The following IQCK variants were observed in gnomAD, a reference collection of about 807,000 sequenced individuals.
IQCK encodes the protein IQ domain-containing protein K.
IQCK carries 29 observed loss-of-function variants against 28.1 expected under a neutral mutation model. The observed-to-expected ratio is 1.03, with a 90% confidence interval of 0.77 to 1.41. IQCK has a LOEUF of 1.41. Ranked by LOEUF, IQCK falls within the 40% of genes most tolerant of loss-of-function variation. IQCK has a pLI of 0.00. For synonymous variants in IQCK, 113 were observed against 115.1 expected (o/e 0.98, Z 0.12); for missense variants, 359 against 314.7 (o/e 1.14, Z -1.07).
intron 7 of IQCK, among the ~76,000 whole-genome samples, chr16:19,823,596 T>C (rs2056104295): frequency 6.6e-6 from 1 of 152,158 alleles, no homozygotes; most frequent in Admixed American, 6.5e-5. Flanking sequence ...CTCATTCCAG[T>C]TCAGGCAACT....
At chr16:19,837,293 T>G (rs2060986515) in intron 9 of IQCK, among the ~76,000 whole-genome samples, 1 of 151,916 alleles carries the variant, frequency 6.6e-6, no homozygotes, top group South Asian at 2.1e-4. Context: ...CCCAGCTACT[T>G]GGGAGGCTGA....
Position 19,779,880 on chromosome 16 carries a change from G to T in IQCK, c.606-8958G>T, listed in dbSNP as rs1409079038. ...CTACAGGCACCTGCCACCACGCCTG[G>T]CTAATTTTTTGTATTTTTAGTAGAG... On this transcript the variant is annotated intron_variant, in intron 6 of 7. Coordinates refer to ENST00000564186, the Ensembl canonical transcript of IQCK. Among the ~76,000 whole-genome samples the T allele has an allele frequency of 2.0e-5, 3 of 150,972 alleles. No individual in the cohort carries two copies. The East Asian group carries it at 5.8e-4, about 29-fold the overall frequency.
chr16:19,836,816 C>T (rs765732804), intron 9 of IQCK, among the ~76,000 whole-genome samples: 4 of 152,254 alleles, frequency 2.6e-5, no homozygotes, highest in South Asian at 2.1e-4. Flanking sequence ...CTGGCTGATG[C>T]GGAATGCTTT....
At chr16:19,753,699 C>T (rs988055755) in intron 4 of IQCK, among the ~76,000 whole-genome samples, 1 of 151,878 alleles carries the variant, frequency 6.6e-6, no homozygotes, top group Non-Finnish European at 1.5e-5. Flanking sequence ...CTAGAAGGCC[C>T]CAAGGTAGAG....
intron 1 of IQCK, among the ~76,000 whole-genome samples, chr16:19,727,719 AATAAGT>A (rs1977705215): frequency 6.6e-6 from 1 of 152,156 alleles, no homozygotes; most frequent in Admixed American, 6.6e-5. Context: ...ATTTTCTTTC[AATAAGT>A]ATGTCTTGCT....
At chr16:19,739,527 A>G (rs1243785160) in intron 4 of IQCK, among the ~76,000 whole-genome samples, 2 of 152,246 alleles carry the variant, frequency 1.3e-5, no homozygotes, top group African/African-American at 4.8e-5. Flanking sequence ...ATCAAAAGTC[A>G]GAGAAGACCC....
chr16:19,836,414 T>C (rs1276519943), intron 9 of IQCK, among the ~76,000 whole-genome samples: 1 of 152,218 alleles, frequency 6.6e-6, no homozygotes, highest in Non-Finnish European at 1.5e-5. Context: ...AGCTATGACA[T>C]GACAGAAGCC....
chr16:19,782,180 G>A (rs934553492), intron 6 of IQCK, among the ~76,000 whole-genome samples: 2 of 151,824 alleles, frequency 1.3e-5, no homozygotes, highest in African/African-American at 4.8e-5. Flanking sequence ...CTTTACATCC[G>A]GGTTGTGCTT....
At chr16:19,757,645 G>C (rs1264431687) in intron 4 of IQCK, among the ~76,000 whole-genome samples, 1 of 152,172 alleles carries the variant, frequency 6.6e-6, no homozygotes, top group Non-Finnish European at 1.5e-5. Context: ...ACTCCAGCCT[G>C]GGCAACAGAG....
At chr16:19,722,356 A>C (rs565017295) in intron 1 of IQCK, among the ~76,000 whole-genome samples, 236 of 152,090 alleles carry the variant, frequency 1.6e-3, no homozygotes, top group Admixed American at 2.9e-3. Flanking sequence ...TTGCTATTCC[A>C]GGATCCTGCT....
intron 9 of IQCK, among the ~76,000 whole-genome samples, chr16:19,837,117 G>T (rs1046882126): frequency 2.0e-5 from 3 of 152,106 alleles, no homozygotes; most frequent in Non-Finnish European, 2.9e-5. Flanking sequence ...AAGAATATTG[G>T]CAGCCAGGTG....
At chr16:19,811,599 A>C (rs2055906190) in intron 7 of IQCK, among the ~76,000 whole-genome samples, 1 of 152,140 alleles carries the variant, frequency 6.6e-6, no homozygotes, top group Non-Finnish European at 1.5e-5. Flanking sequence ...ACCCCACCAA[A>C]AAGCAGCTGC....
chr16:19,822,067 C>CAAAAAAAAAAAAAAAAAAAAA (rs35060834), intron 7 of IQCK, among the ~76,000 whole-genome samples: 6 of 64,614 alleles, frequency 9.3e-5, no homozygotes, highest in East Asian at 4.9e-4. Flanking sequence ...GACCCTGTCT[C>CAAAAAAAAAAAAAAAAAAAAA]AAAAAAAAAA....
exon 3 of IQCK, chr16:19,733,712 G>C (rs1029088622): frequency 3.1e-6 from 5 of 1,614,036 alleles, no homozygotes; most frequent in Non-Finnish European, 4.2e-6. Flanking sequence ...CGCCAGTAGA[G>C]GAAATGCTTT....
At chr16:19,748,354 C>G (rs2151696716) in intron 4 of IQCK, among the ~76,000 whole-genome samples, 1 of 152,242 alleles carries the variant, frequency 6.6e-6, no homozygotes, top group Non-Finnish European at 1.5e-5. Context: ...GAATTACAGG[C>G]ATGAGACACC....
intron 1 of IQCK, among the ~76,000 whole-genome samples, chr16:19,724,625 T>A (rs901260402): frequency 1.3e-5 from 2 of 152,118 alleles, no homozygotes; most frequent in Non-Finnish European, 2.9e-5. Context: ...GCCTCCTGGA[T>A]TCACGCCATT....
At chr16:19,763,945 T>C (rs751678850) in intron 5 of IQCK, 45 bp downstream of exon 5, 1 of 1,598,054 alleles carries the variant, frequency 6.3e-7, no homozygotes, top group South Asian at 1.1e-5. Flanking sequence ...AAGAATTCAG[T>C]CGTGTTAATT....
At chr16:19,824,266 C>T (rs2056114029) in intron 7 of IQCK, among the ~76,000 whole-genome samples, 1 of 152,168 alleles carries the variant, frequency 6.6e-6, no homozygotes, top group Non-Finnish European at 1.5e-5. Context: ...GTTAGATTCT[C>T]ATAAGGAACA....
chr16:19,728,751 A>C (rs1465336161), intron 1 of IQCK, among the ~76,000 whole-genome samples: 1 of 152,240 alleles, frequency 6.6e-6, no homozygotes, highest in African/African-American at 2.4e-5. Flanking sequence ...GATTTGTGCT[A>C]ATTTGTTACA....
Sources: allele counts gnomAD v4.1 joint callset (sites outside exome capture counted in the v4.1 genomes callset), GRCh38; gene constraint gnomAD v4.1.1; transcripts MANE v1.5; gene names NCBI Gene and HGNC (gene_info 2026-07-23, HGNC 2026-07-21).